Variants in IRAK1BP1 observed in about 807,000 individuals in gnomAD.
IRAK1BP1 encodes interleukin-1 receptor-associated kinase 1-binding protein 1.
A neutral mutation model predicts 28.0 loss-of-function variants in IRAK1BP1; 24 were observed. That is an observed-to-expected ratio of 0.86 (90% confidence interval 0.62 to 1.20). The LOEUF (loss-of-function observed/expected upper bound fraction) is 1.20, where lower values mean the gene tolerates loss of function less well. Among genes scored for constraint, IRAK1BP1 ranks in the 50% most tolerant of loss-of-function variants. IRAK1BP1 has a pLI of 0.00. For missense variants in IRAK1BP1, 336 were observed against 316.7 expected (o/e 1.06, Z -0.46); for synonymous variants, 131 against 116.3 (o/e 1.13, Z -0.81).
chr6:78,978,847 C>T, the IRAK1BP1 span: 2 of 572,346 alleles, frequency 3.5e-6, no homozygotes, highest in Non-Finnish European at 2.7e-6. Context: ...ATACAGTTGG[C>T]CCTGTGTATC....
chr6:78,916,605 T>C (rs2063124), intron 4 of IRAK1BP1, among the ~76,000 whole-genome samples: 18 of 152,346 alleles, frequency 1.2e-4, no homozygotes, highest in African/African-American at 4.3e-4. Context: ...TAGTGTTTAA[T>C]TCGTTGTGTT....
the IRAK1BP1 span, chr6:78,966,194 T>A: frequency 1.7e-6 from 1 of 599,770 alleles, no homozygotes; most frequent in Non-Finnish European, 3.0e-6. Context: ...ACTCCAAAAA[T>A]AAGTAAGTAC....
chr6:78,874,686 A>G (rs1562075048), intron 1 of IRAK1BP1, among the ~76,000 whole-genome samples: 1 of 152,206 alleles, frequency 6.6e-6, no homozygotes, highest in Non-Finnish European at 1.5e-5. Flanking sequence ...AAAAATTTCT[A>G]TTTATATTTT....
chr6:78,963,984 T>C, the IRAK1BP1 span, among the ~76,000 whole-genome samples: 128 of 152,292 alleles, frequency 8.4e-4, 1 homozygote, highest in Admixed American at 3.5e-3. Flanking sequence ...CTTCAATATA[T>C]TTAGGTAGGA....
At chr6:78,957,226 A>T in the IRAK1BP1 span, 1 of 152,054 alleles carries the variant, frequency 6.6e-6, no homozygotes, top group Non-Finnish European at 1.5e-5. Context: ...TTTCACTGAA[A>T]TATGAATATA....
chr6:78,920,372 C>T (rs1036113204), intron 4 of IRAK1BP1, among the ~76,000 whole-genome samples: 5 of 152,178 alleles, frequency 3.3e-5, no homozygotes, highest in African/African-American at 4.8e-5. Context: ...AATCACATTA[C>T]CTGACTTCAA....
At chr6:78,946,415 G>C in exon 5 of IRAK1BP1, 1 of 1,400,226 alleles carries the variant, frequency 7.1e-7, no homozygotes. Context: ...GCCTTTGAAA[G>C]TGAATATTTA....
rs1183060556 is a variant in IRAK1BP1 at position 78,901,593 on chromosome 6, A to C, written c.*3259A>C. 6.6e-6 allele frequency: 1 copy of C among 152,140 alleles called. No homozygotes were observed. Among genetic ancestry groups the C allele is most frequent in the African/African-American group, 2.4e-5 (1 of 41,440 alleles). 9.4% of individuals were successfully genotyped at this position (152,140 alleles called of 1,614,324 possible). A position where few individuals can be genotyped will look rare whatever the true frequency, so the allele number is the denominator to read the frequency against. ...AATTTCTATTTTCTGAAAGACAAAC[A>C]AAAATTCTAAATAGGATATTTGAAA... On this transcript the variant is annotated 3_prime_UTR_variant, in exon 4 of 4. Coordinates refer to ENST00000369940, the MANE Select transcript of IRAK1BP1 (RefSeq NM_001010844.4).
intron 4 of IRAK1BP1, among the ~76,000 whole-genome samples, chr6:78,933,741 C>T (rs1484781814): frequency 6.8e-6 from 1 of 146,724 alleles, no homozygotes; most frequent in Non-Finnish European, 1.5e-5. Flanking sequence ...TAATGCCCTT[C>T]TCTGGATTAG....
At chr6:78,891,354 T>C (rs1432973005) in intron 2 of IRAK1BP1, among the ~76,000 whole-genome samples, 1 of 152,194 alleles carries the variant, frequency 6.6e-6, no homozygotes, top group Non-Finnish European at 1.5e-5. Context: ...GGTGAATGAA[T>C]GGATGTGGGA....
intron 4 of IRAK1BP1, among the ~76,000 whole-genome samples, chr6:78,916,189 G>A (rs1772554726): frequency 6.6e-6 from 1 of 152,144 alleles, no homozygotes; most frequent in Admixed American, 6.5e-5. Context: ...ATTTTCTTGG[G>A]CTTAGAAGGT....
At chr6:78,904,819 T>A (rs1326027578), downstream of IRAK1BP1, among the ~76,000 whole-genome samples, 1 of 152,148 alleles carries the variant, frequency 6.6e-6, no homozygotes, top group Non-Finnish European at 1.5e-5. Context: ...AAGTTTAATG[T>A]CAACAAAATA....
At chr6:78,952,193 G>T in the IRAK1BP1 span, among the ~76,000 whole-genome samples, 211 of 152,208 alleles carry the variant, frequency 1.4e-3, 1 homozygote, top group African/African-American at 4.9e-3. Context: ...GGCTGAGGCA[G>T]GCAGATCACA....
chr6:78,900,554 G>A lies in IRAK1BP1; in HGVS notation c.*2220G>A, dbSNP rs1772059668. On this transcript the variant is annotated 3_prime_UTR_variant, in exon 4 of 4. Transcript: ENST00000369940. ...TATCCAAATCCTGACCTTACTACTG[G>A]AATGTAAGCTCCTTGAAAGTGGAGA... 6.6e-6 allele frequency: 1 copy of A among 152,156 alleles called. No homozygotes were observed. Among genetic ancestry groups the A allele is most frequent in the South Asian group, 2.1e-4 (1 of 4,812 alleles). The allele number at this position is 152,156 out of a possible 1,614,324, so 9.4% of individuals were successfully genotyped here. A position where few individuals can be genotyped will look rare whatever the true frequency, so the allele number is the denominator to read the frequency against.
chr6:78,893,408 T>C (rs1771756800), intron 2 of IRAK1BP1, among the ~76,000 whole-genome samples: 3 of 145,728 alleles, frequency 2.1e-5, no homozygotes, highest in Non-Finnish European at 3.0e-5. Flanking sequence ...CAAAGACCAA[T>C]TAAAGACCTT....
At chr6:78,889,672 C>A (rs755194868) in intron 2 of IRAK1BP1, among the ~76,000 whole-genome samples, 1 of 151,736 alleles carries the variant, frequency 6.6e-6, no homozygotes, top group Non-Finnish European at 1.5e-5. Flanking sequence ...TGAAAAAAAG[C>A]TCATCATCAC....
chr6:78,868,486 A>G (rs1033241395), intron 1 of IRAK1BP1, among the ~76,000 whole-genome samples: 1 of 152,242 alleles, frequency 6.6e-6, no homozygotes, highest in African/African-American at 2.4e-5. Context: ...TTTAACTTAA[A>G]AGAAAAAATC....
At chr6:78,897,256 T>TAAAAAAAAAAAA (rs749859007) in intron 2 of IRAK1BP1, among the ~76,000 whole-genome samples, 1 of 111,002 alleles carries the variant, frequency 9.0e-6, no homozygotes, top group Non-Finnish European at 1.8e-5. Context: ...TTGTCTCTCT[T>TAAAAAAAAAAAA]AAAAAAAAAA....
At chr6:78,905,245 A>C (rs1352260549), downstream of IRAK1BP1, among the ~76,000 whole-genome samples, 1 of 152,236 alleles carries the variant, frequency 6.6e-6, no homozygotes, top group East Asian at 1.9e-4. Context: ...TTCATTGACC[A>C]ATATTAATTA....
Sources: allele counts gnomAD v4.1 joint callset (sites outside exome capture counted in the v4.1 genomes callset), GRCh38; gene constraint gnomAD v4.1.1; transcripts MANE v1.5; gene names NCBI Gene and HGNC (gene_info 2026-07-23, HGNC 2026-07-21).